The following CCDC91 variants were observed in gnomAD, a reference collection of about 807,000 sequenced individuals.
CCDC91 encodes coiled-coil domain-containing protein 91.
Under a neutral mutation model 63.2 loss-of-function variants are expected in CCDC91, and 48 were observed. The ratio of observed to expected loss-of-function variants is 0.76; its 90% CI spans 0.60 to 0.97. CCDC91 has a LOEUF of 0.97. Among genes scored for constraint, CCDC91 ranks in the 50% least tolerant of loss-of-function variants. The pLI is 0.00. For missense variants in CCDC91, 500 were observed against 494.6 expected, an observed-to-expected ratio of 1.01 and a Z score of -0.10; for synonymous variants, 167 against 165.8, an observed-to-expected ratio of 1.01 and a Z score of -0.06.
chr12:28,541,931 G>T (rs1942657051), intron 12 of CCDC91, among the ~76,000 whole-genome samples: 1 of 152,056 alleles, frequency 6.6e-6, no homozygotes, highest in African/African-American at 2.4e-5. Context: ...AGAACCCCAA[G>T]ATAGGATTTC....
At chr12:28,505,546 A>G (rs11049678) in intron 12 of CCDC91, 31,681 of 151,732 alleles carry the variant, frequency 0.21, 4,330 homozygotes, top group Non-Finnish European at 0.31. Context: ...GCAAAACCCA[A>G]AGTGATTATT....
intron 7 of CCDC91, among the ~76,000 whole-genome samples, chr12:28,376,356 G>A (rs1177201736): frequency 6.6e-6 from 1 of 151,642 alleles, no homozygotes; most frequent in East Asian, 1.9e-4. Flanking sequence ...TAAGAAAGAT[G>A]AAACAAACCC....
chr12:28,497,138 G>T (rs777799347), intron 12 of CCDC91, among the ~76,000 whole-genome samples: 1 of 151,048 alleles, frequency 6.6e-6, no homozygotes, highest in Non-Finnish European at 1.5e-5. Flanking sequence ...AATTCATCTA[G>T]ATGAGATTTC....
At chr12:28,380,581 G>C (rs1184735687) in intron 7 of CCDC91, among the ~76,000 whole-genome samples, 1 of 151,928 alleles carries the variant, frequency 6.6e-6, no homozygotes, top group African/African-American at 2.4e-5. Context: ...TCTTCCAAGG[G>C]CCATAATAAG....
intron 12 of CCDC91, among the ~76,000 whole-genome samples, chr12:28,485,446 A>T (rs1951676858): frequency 6.6e-6 from 1 of 151,760 alleles, no homozygotes; most frequent in Non-Finnish European, 1.5e-5. Flanking sequence ...GAATACAGGC[A>T]TGAGCCACCG....
intron 7 of CCDC91, among the ~76,000 whole-genome samples, chr12:28,377,291 C>T (rs1480781300): frequency 6.6e-6 from 1 of 151,078 alleles, no homozygotes; most frequent in Non-Finnish European, 1.5e-5. Context: ...TGTTATACTC[C>T]CTGTTGTTTT....
chr12:28,524,183 G>A (rs1228382549), intron 12 of CCDC91, among the ~76,000 whole-genome samples: 1 of 152,106 alleles, frequency 6.6e-6, no homozygotes, highest in African/African-American at 2.4e-5. Context: ...GTGAGAGTGG[G>A]CAGCCTTGTC....
At chr12:28,227,900 T>C (rs1944368671) in intron 1 of CCDC91, among the ~76,000 whole-genome samples, 1 of 152,118 alleles carries the variant, frequency 6.6e-6, no homozygotes, top group Admixed American at 6.5e-5. Context: ...CACTATAGCA[T>C]TGTTTTCTTA....
intron 1 of CCDC91, among the ~76,000 whole-genome samples, chr12:28,201,126 G>A (rs1298378831): frequency 6.6e-6 from 1 of 150,770 alleles, no homozygotes; most frequent in African/African-American, 2.4e-5. Context: ...GCCGGGCGGG[G>A]GGCTGACCCC....
chr12:28,396,644 T>TTGTG (rs1283305556), intron 8 of CCDC91, among the ~76,000 whole-genome samples: 48 of 15,770 alleles, frequency 3.0e-3, no homozygotes, highest in South Asian at 0.015. Context: ...AAAGGAGATT[T>TTGTG]TGTGTGTGTG....
At chr12:28,419,780 A>G (rs935743083) in intron 8 of CCDC91, among the ~76,000 whole-genome samples, 1 of 149,686 alleles carries the variant, frequency 6.7e-6, no homozygotes, top group African/African-American at 2.5e-5. Context: ...TCTTTGAGAT[A>G]GGATCTCACT....
At chr12:28,497,957 A>T (rs1414766618) in intron 12 of CCDC91, among the ~76,000 whole-genome samples, 2 of 151,400 alleles carry the variant, frequency 1.3e-5, no homozygotes, top group Admixed American at 1.3e-4. Context: ...CCCTTTCCTT[A>T]TGTATCATGT....
intron 3 of CCDC91, among the ~76,000 whole-genome samples, chr12:28,291,409 T>C (rs1475181354): frequency 6.6e-6 from 1 of 152,218 alleles, no homozygotes; most frequent in Non-Finnish European, 1.5e-5. Context: ...GGGCCCTTTC[T>C]GTTGACCAGT....
chr12:28,342,331 G>A (rs1942487864), intron 6 of CCDC91, among the ~76,000 whole-genome samples: 1 of 152,142 alleles, frequency 6.6e-6, no homozygotes, highest in South Asian at 2.1e-4. Context: ...TAATAAATGT[G>A]TGTTGTTTTA....
intron 8 of CCDC91, among the ~76,000 whole-genome samples, chr12:28,428,189 A>G (rs1317258730): frequency 1.3e-5 from 2 of 152,140 alleles, no homozygotes; most frequent in East Asian, 3.8e-4. Flanking sequence ...CATATACTTC[A>G]TAGAAATATA....
At chr12:28,340,889 C>T (rs1331519252) in intron 6 of CCDC91, among the ~76,000 whole-genome samples, 1 of 152,144 alleles carries the variant, frequency 6.6e-6, no homozygotes, top group Non-Finnish European at 1.5e-5. Flanking sequence ...CCTTTGTGTA[C>T]TGGAAGAATT....
intron 1 of CCDC91, among the ~76,000 whole-genome samples, chr12:28,201,582 G>A (rs879015976): frequency 4.1e-5 from 6 of 144,850 alleles, no homozygotes; most frequent in South Asian, 2.2e-4. Flanking sequence ...CGTCCCAGGC[G>A]ATGGGCGGCC....
intron 1 of CCDC91, 110 bp downstream of exon 1, chr12:28,190,751 A>G (rs1175445291): frequency 6.6e-6 from 1 of 152,208 alleles, no homozygotes; most frequent in East Asian, 1.9e-4. Flanking sequence ...CGCCGCCTGC[A>G]GCCCGCCTGC....
At chr12:28,531,257 A>C (rs2141621355) in intron 12 of CCDC91, among the ~76,000 whole-genome samples, 1 of 152,322 alleles carries the variant, frequency 6.6e-6, no homozygotes. Context: ...AGCGCTCAGT[A>C]CTTTAAATAG....
Sources: gnomAD v4.1 joint callset for allele counts (sites outside exome capture counted in the v4.1 genomes callset) on GRCh38, gnomAD v4.1.1 for gene constraint, MANE v1.5 for transcripts, NCBI Gene and HGNC (gene_info 2026-07-23, HGNC 2026-07-21) for gene names.